Variants in APPL2 observed in about 807,000 individuals in gnomAD.
APPL2 encodes the protein DCC-interacting protein 13-beta.
APPL2 carries 84 observed loss-of-function variants against 92.7 expected under a neutral mutation model. The observed-to-expected ratio is 0.91, with a 90% CI of 0.76 to 1.09. The LOEUF is 1.09. Ranked by LOEUF, APPL2 falls within the 50% of genes least tolerant of loss-of-function variation. The pLI is 0.00. For synonymous variants in APPL2, 291 were observed against 291.0 expected, an observed-to-expected ratio of 1.00 and a Z score of 0.00; for missense variants, 736 against 824.5, an observed-to-expected ratio of 0.89 and a Z score of 1.31.
chr12:105,221,437 G>A (rs999074370), intron 2 of APPL2, among the ~76,000 whole-genome samples: 1 of 152,188 alleles, frequency 6.6e-6, no homozygotes, highest in African/African-American at 2.4e-5. Context: ...AAAGCCACAT[G>A]ACTAGTGACT....
chr12:105,227,498 C>T (rs985108379), intron 2 of APPL2, among the ~76,000 whole-genome samples: 1 of 152,230 alleles, frequency 6.6e-6, no homozygotes, highest in Non-Finnish European at 1.5e-5. Flanking sequence ...CACACACACT[C>T]ATACGCACCC....
intron 17 of APPL2, among the ~76,000 whole-genome samples, chr12:105,186,667 T>TTATATC (rs1886706749): frequency 6.3e-4 from 21 of 33,130 alleles, no homozygotes; most frequent in Admixed American, 3.4e-3. Flanking sequence ...ATATATATCA[T>TTATATC]ATATATGATA....
At chr12:105,212,068 G>C (rs756080284) in intron 4 of APPL2, among the ~76,000 whole-genome samples, 4 of 133,958 alleles carry the variant, frequency 3.0e-5, no homozygotes, top group Non-Finnish European at 6.1e-5. Context: ...GCAGTGAGCC[G>C]AGATCGCACC....
rs1885230615 is a variant in APPL2, at chr12:105,174,005, A to G, written c.*309T>C. The G allele has an allele frequency of 5.1e-6, 1 of 196,616 alleles. No individual in the cohort carries two copies. Among genetic ancestry groups the G allele is most frequent in the Admixed American group, 6.0e-5 (1 of 16,590 alleles). The allele number at this position is 196,616 out of a possible 1,614,324, so 12.2% of individuals were successfully genotyped here. A position where few individuals can be genotyped will look rare whatever the true frequency, so the allele number is the denominator to read the frequency against. ...GGATACTGGAAACTGAAAAGAGATG[A>G]CATTCATATGAACAATGCATTTTTC... On this transcript the variant is annotated 3_prime_UTR_variant, in exon 21 of 21. Coordinates refer to ENST00000258530, the MANE Select transcript of APPL2 (RefSeq NM_018171.5).
chr12:105,200,891 T>TC (rs1391784013), intron 9 of APPL2, among the ~76,000 whole-genome samples: 4 of 139,894 alleles, frequency 2.9e-5, no homozygotes, highest in Non-Finnish European at 4.7e-5. Flanking sequence ...TATCTATCTA[T>TC]CTATCTATCT....
chr12:105,181,551 G>A (rs1038353310), intron 17 of APPL2, among the ~76,000 whole-genome samples: 2 of 152,280 alleles, frequency 1.3e-5, no homozygotes, highest in East Asian at 3.9e-4. Flanking sequence ...GCTCCTCTTT[G>A]TAACTCTGGT....
intron 9 of APPL2, among the ~76,000 whole-genome samples, chr12:105,200,966 T>G (rs1371632342): frequency 1.3e-5 from 2 of 152,128 alleles, no homozygotes; most frequent in East Asian, 3.9e-4. Context: ...TGGAGTGCAG[T>G]GGCATGATCT....
intron 17 of APPL2, among the ~76,000 whole-genome samples, chr12:105,184,002 TAA>T (rs1394737415): frequency 6.6e-6 from 1 of 152,236 alleles, no homozygotes; most frequent in Non-Finnish European, 1.5e-5. Context: ...TTTATTTCAT[TAA>T]GTTAATCTTC....
At chr12:105,181,593 G>T (rs1886120757) in intron 17 of APPL2, among the ~76,000 whole-genome samples, 1 of 152,036 alleles carries the variant, frequency 6.6e-6, no homozygotes, top group African/African-American at 2.4e-5. Context: ...CTGGTCCTGG[G>T]CTTTTTTTTG....
At chr12:105,213,046 A>G (rs1050025664) in intron 4 of APPL2, among the ~76,000 whole-genome samples, 2 of 152,232 alleles carry the variant, frequency 1.3e-5, no homozygotes, top group African/African-American at 4.8e-5. Flanking sequence ...ACTGTTTTTC[A>G]TTAACAGTTA....
rs77354617 is a variant in APPL2 at position 105,214,817 on chromosome 12, G to C, written c.285+2252C>G. On this transcript the variant is annotated intron_variant, in intron 4 of 20. Coordinates refer to ENST00000258530, the MANE Select transcript of APPL2 (RefSeq NM_018171.5). ...ACACCAAACCACGATTATGAGCTTG[G>C]AGCTTTTAGCCCCGCCCCCATCTTC... Among the ~76,000 whole-genome samples the C allele has an allele frequency of 5.1e-3, 773 of 152,266 alleles. 20 individuals are homozygous for C. In the East Asian group the frequency reaches 0.072, roughly 14 times the overall value.
chr12:105,192,083 CA>C (rs56190384), intron 14 of APPL2, among the ~76,000 whole-genome samples: 152,255 of 152,258 alleles, frequency 1, 76,126 homozygotes, highest in Middle Eastern at 1. Context: ...ATGTCCAAAA[CA>C]TGAACTCTTC....
intron 17 of APPL2, among the ~76,000 whole-genome samples, chr12:105,186,254 C>CA (rs1886600308): frequency 6.6e-6 from 1 of 152,036 alleles, no homozygotes; most frequent in Non-Finnish European, 1.5e-5. Flanking sequence ...TCCCAAAATC[C>CA]AAAATGCTCC....
chr12:105,203,930 C>G (rs1228161592), intron 8 of APPL2, 145 bp from the exon 9 acceptor site: 8 of 667,482 alleles, frequency 1.2e-5, no homozygotes, highest in Non-Finnish European at 2.1e-5. Flanking sequence ...TCTACTGAGT[C>G]TACACCTGAG....
At chr12:105,197,389 G>A (rs1210172877) in intron 11 of APPL2, among the ~76,000 whole-genome samples, 3 of 152,148 alleles carry the variant, frequency 2.0e-5, no homozygotes, top group Non-Finnish European at 4.4e-5. Context: ...TACCAAAATA[G>A]TTACTCTCCC....
At chr12:105,225,922 T>C (rs562106479) in intron 2 of APPL2, among the ~76,000 whole-genome samples, 1 of 152,368 alleles carries the variant, frequency 6.6e-6, no homozygotes, top group African/African-American at 2.4e-5. Flanking sequence ...GATTAAAATA[T>C]CTTTTATGAA....
At chr12:105,195,213 C>G (rs1252939752) in intron 14 of APPL2, 48 bp downstream of exon 14, 1 of 1,558,924 alleles carries the variant, frequency 6.4e-7, no homozygotes, top group Non-Finnish European at 8.8e-7. Flanking sequence ...TATTCCTAAT[C>G]AATAATTTGG....
At chr12:105,202,159 C>G (rs1460533562) in intron 9 of APPL2, among the ~76,000 whole-genome samples, 1 of 152,198 alleles carries the variant, frequency 6.6e-6, no homozygotes, top group African/African-American at 2.4e-5. Context: ...TTGGAAACCC[C>G]ATCAGCTGCC....
At chr12:105,175,877 G>C (rs1458947558) in intron 20 of APPL2, among the ~76,000 whole-genome samples, 158 bp downstream of exon 20, 2 of 152,192 alleles carry the variant, frequency 1.3e-5, no homozygotes, top group African/African-American at 4.8e-5. Context: ...GGAACTAGCT[G>C]ATCAAAAACC....
Sources: gnomAD v4.1 joint callset for allele counts (sites outside exome capture counted in the v4.1 genomes callset) on GRCh38, gnomAD v4.1.1 for gene constraint, MANE v1.5 for transcripts, NCBI Gene and HGNC (gene_info 2026-07-23, HGNC 2026-07-21) for gene names.